Variants in LRRTM4 observed in about 807,000 individuals in gnomAD.
LRRTM4 encodes leucine-rich repeat transmembrane neuronal protein 4.
A neutral mutation model predicts 47.6 loss-of-function variants in LRRTM4; 25 were observed. That is an observed-to-expected ratio of 0.53 (90% CI 0.38 to 0.73). The LOEUF (loss-of-function observed/expected upper bound fraction) is 0.73. LRRTM4 is among the 30% of genes least tolerant of loss of function. LRRTM4 has a pLI of 0.00. For missense variants in LRRTM4, 638 were observed against 713.4 expected (o/e 0.89, Z 1.20); for synonymous variants, 311 against 269.5 (o/e 1.15, Z -1.51).
At chr2:76,802,388 T>C (rs909229256) in intron 3 of LRRTM4, among the ~76,000 whole-genome samples, 4 of 152,070 alleles carry the variant, frequency 2.6e-5, no homozygotes, top group Non-Finnish European at 5.9e-5. Context: ...ATCTACAAGA[T>C]AGTCTTAGGA....
intron 3 of LRRTM4, among the ~76,000 whole-genome samples, chr2:77,031,788 G>A (rs1346245789): frequency 2.6e-5 from 4 of 152,094 alleles, no homozygotes; most frequent in Non-Finnish European, 5.9e-5. Flanking sequence ...GCATGTAAAT[G>A]TAAATTAATA....
intron 3 of LRRTM4, among the ~76,000 whole-genome samples, chr2:77,240,481 T>C (rs1323797548): frequency 2.0e-5 from 3 of 151,986 alleles, no homozygotes; most frequent in African/African-American, 7.2e-5. Context: ...TATACTAACA[T>C]ACCTAAGAGT....
chr2:77,082,761 GTTC>G (rs1680573946), intron 3 of LRRTM4, among the ~76,000 whole-genome samples: 1 of 151,918 alleles, frequency 6.6e-6, no homozygotes, highest in Admixed American at 6.6e-5. Flanking sequence ...GAACATGTTT[GTTC>G]TTCTCTAACA....
rs562439990 is a variant in LRRTM4, at chr2:76,936,199, C to T, written c.1552-187283G>A. On this transcript the variant is annotated intron_variant, in intron 3 of 3. Coordinates refer to ENST00000409884, the MANE Select transcript of LRRTM4 (RefSeq NM_001134745.3). ...ACTTGGAACCAACCCAAATGCCCATCAATGATAGACTGGATAAAGAAAATA... is the reference window on the plus strand; with the variant it reads ...ACTTGGAACCAACCCAAATGCCCATTAATGATAGACTGGATAAAGAAAATA... Among the ~76,000 whole-genome samples, 4 of 152,146 alleles carry T rather than the reference C, an allele frequency of 2.6e-5. No individual in the cohort carries two copies. The South Asian group carries it at 8.3e-4, about 32-fold the overall frequency.
chr2:76,824,472 A>G (rs1671137768), intron 3 of LRRTM4, among the ~76,000 whole-genome samples: 1 of 151,594 alleles, frequency 6.6e-6, no homozygotes. Flanking sequence ...AGTAGCACAT[A>G]TACACTCAAT....
intron 3 of LRRTM4, among the ~76,000 whole-genome samples, chr2:77,302,007 T>C (rs1283129861): frequency 6.6e-6 from 1 of 152,156 alleles, no homozygotes; most frequent in African/African-American, 2.4e-5. Context: ...TAAAAACTAT[T>C]TTAGACATAG....
At position 76,781,640 on chromosome 2, in the gene LRRTM4, CTGCGCCCACTGTCT is replaced by C. The variant is rs1674399710; in HGVS notation, c.1552-32738_1552-32725del. Among the ~76,000 whole-genome samples the C allele has an allele frequency of 3.3e-5, 5 of 152,374 alleles. No homozygotes were observed. The South Asian group carries it at 1.0e-3, about 32-fold the overall frequency. Reference sequence around the variant, plus strand: ...GCGCATGGTGCGCGCACCCACTGACCTGCGCCCACTGTCTGGCACTCCCAATGAGATTAACCCGG... The same window carrying C: ...GCGCATGGTGCGCGCACCCACTGACCGGCACTCCCAATGAGATTAACCCGG... On this transcript the variant is annotated intron_variant, in intron 3 of 3. Transcript: ENST00000409884.
chr2:76,950,021 G>C (rs553474224), intron 3 of LRRTM4, among the ~76,000 whole-genome samples: 1 of 152,002 alleles, frequency 6.6e-6, no homozygotes, highest in South Asian at 2.1e-4. Context: ...AGATGCATAA[G>C]CTTGGACATG....
chr2:77,137,952 C>G (rs1191798991), intron 3 of LRRTM4, among the ~76,000 whole-genome samples: 1 of 152,110 alleles, frequency 6.6e-6, no homozygotes, highest in Admixed American at 6.5e-5. Context: ...GCACCCAATA[C>G]AGGAGCACCC....
intron 3 of LRRTM4, among the ~76,000 whole-genome samples, chr2:77,276,039 G>A (rs1676340038): frequency 1.3e-5 from 2 of 151,916 alleles, no homozygotes; most frequent in Admixed American, 1.3e-4. Flanking sequence ...GGAAAAGTGT[G>A]ACTGAAATGT....
At chr2:77,253,451 G>C (rs1451011438) in intron 3 of LRRTM4, among the ~76,000 whole-genome samples, 3 of 152,102 alleles carry the variant, frequency 2.0e-5, no homozygotes, top group Non-Finnish European at 4.4e-5. Flanking sequence ...CTCTGTTGAA[G>C]CTGTTTCAGA....
At chr2:77,010,590 T>C (rs190120668) in intron 3 of LRRTM4, among the ~76,000 whole-genome samples, 19 of 150,796 alleles carry the variant, frequency 1.3e-4, no homozygotes, top group Non-Finnish European at 2.5e-4. Flanking sequence ...GTTGATTCCA[T>C]TCCCTGGCTA....
intron 3 of LRRTM4, among the ~76,000 whole-genome samples, chr2:77,365,654 G>A (rs1672412333): frequency 6.6e-6 from 1 of 151,472 alleles, no homozygotes; most frequent in South Asian, 2.1e-4. Flanking sequence ...TAATGGTTAT[G>A]CATCTTTTAT....
At chr2:76,884,234 A>G (rs1673009022) in intron 3 of LRRTM4, among the ~76,000 whole-genome samples, 1 of 152,214 alleles carries the variant, frequency 6.6e-6, no homozygotes, top group South Asian at 2.1e-4. Context: ...GATATTTCCA[A>G]AACTATAACC....
chr2:76,826,947 C>T (rs935916220), intron 3 of LRRTM4, among the ~76,000 whole-genome samples: 1 of 151,904 alleles, frequency 6.6e-6, no homozygotes, highest in African/African-American at 2.4e-5. Flanking sequence ...GCACATTAAG[C>T]TTTGATTCAG....
chr2:76,906,125 C>T, intron 3 of LRRTM4, among the ~76,000 whole-genome samples: 1 of 152,214 alleles, frequency 6.6e-6, no homozygotes, highest in South Asian at 2.1e-4. Flanking sequence ...AAAGGGAAGC[C>T]CATCAGACTA....
chr2:77,225,403 C>T (rs555590775), intron 3 of LRRTM4, among the ~76,000 whole-genome samples: 25 of 146,932 alleles, frequency 1.7e-4, no homozygotes, highest in Non-Finnish European at 2.5e-4. Context: ...CTAGTGTATG[C>T]GGATGAACAC....
intron 3 of LRRTM4, among the ~76,000 whole-genome samples, chr2:76,860,736 A>T (rs1385993283): frequency 1.3e-5 from 2 of 152,190 alleles, no homozygotes; most frequent in East Asian, 1.9e-4. Context: ...TGACTTAAAT[A>T]CAACATCTCT....
At chr2:77,508,019 A>T (rs1678846439) in intron 3 of LRRTM4, among the ~76,000 whole-genome samples, 1 of 152,148 alleles carries the variant, frequency 6.6e-6, no homozygotes, top group Admixed American at 6.6e-5. Flanking sequence ...TTCTAGCTCA[A>T]GTGAACAGAA....
Sources: allele counts gnomAD v4.1 joint callset (sites outside exome capture counted in the v4.1 genomes callset), GRCh38; gene constraint gnomAD v4.1.1; transcripts MANE v1.5; gene names NCBI Gene and HGNC (gene_info 2026-07-23, HGNC 2026-07-21).